Variants in PIP4K2A observed in about 807,000 individuals in gnomAD.
PIP4K2A encodes phosphatidylinositol-5-phosphate 4-kinase type 2 alpha.
A neutral mutation model predicts 42.9 loss-of-function variants in PIP4K2A; 14 were observed. The ratio of observed to expected loss-of-function variants is 0.33; its 90% confidence interval spans 0.22 to 0.51. The LOEUF (loss-of-function observed/expected upper bound fraction) is 0.51, where lower values mean the gene tolerates loss of function less well. Among genes scored for constraint, PIP4K2A ranks in the 20% least tolerant of loss-of-function variants. The pLI is 0.97. For synonymous variants in PIP4K2A, 192 were observed against 192.2 expected, an observed-to-expected ratio of 1.00 and a Z score of 0.01; for missense variants, 434 against 519.8, an observed-to-expected ratio of 0.83 and a Z score of 1.61.
chr10:22,668,358 A>G (rs924040905), intron 1 of PIP4K2A, among the ~76,000 whole-genome samples: 1 of 152,218 alleles, frequency 6.6e-6, no homozygotes, highest in African/African-American at 2.4e-5. Flanking sequence ...TCACCAACTA[A>G]AAAGACAATG....
At chr10:22,541,481 ATGTTGTGT>A (rs1564411884) in intron 8 of PIP4K2A, among the ~76,000 whole-genome samples, 1 of 152,200 alleles carries the variant, frequency 6.6e-6, no homozygotes, top group African/African-American at 2.4e-5. Flanking sequence ...ATGTACATGC[ATGTTGTGT>A]TGTGTGTGCA....
chr10:22,664,170 T>TATATATATAC (rs1839293234), intron 1 of PIP4K2A, among the ~76,000 whole-genome samples: 2 of 61,818 alleles, frequency 3.2e-5, no homozygotes, highest in Non-Finnish European at 5.4e-5. Context: ...TATATATACA[T>TATATATATAC]ATATATATAT....
chr10:22,663,573 C>T (rs1214941794), intron 1 of PIP4K2A, among the ~76,000 whole-genome samples: 1 of 151,954 alleles, frequency 6.6e-6, no homozygotes, highest in African/African-American at 2.4e-5. Flanking sequence ...AAGTTTGGGG[C>T]TTATATCAGA....
intron 6 of PIP4K2A, among the ~76,000 whole-genome samples, chr10:22,557,410 A>AAAACC (rs1257186732): frequency 6.6e-6 from 1 of 152,236 alleles, no homozygotes; most frequent in Admixed American, 6.5e-5. Context: ...CAGAATCTCT[A>AAAACC]AAACCAAAAC....
intron 1 of PIP4K2A, among the ~76,000 whole-genome samples, chr10:22,674,977 A>G: frequency 6.6e-6 from 1 of 150,864 alleles, no homozygotes; most frequent in East Asian, 1.9e-4. Context: ...TCTTTAAAAA[A>G]CAAAAAAAAG....
chr10:22,667,347 C>T (rs756322315), intron 1 of PIP4K2A, among the ~76,000 whole-genome samples: 5 of 151,330 alleles, frequency 3.3e-5, no homozygotes, highest in African/African-American at 7.3e-5. Flanking sequence ...AAACAGAGCA[C>T]GTTAAGTCTT....
intron 1 of PIP4K2A, among the ~76,000 whole-genome samples, chr10:22,619,845 G>A (rs1248927275): frequency 4.6e-5 from 7 of 152,190 alleles, no homozygotes; most frequent in Admixed American, 1.3e-4. Flanking sequence ...TGAAATCTGA[G>A]CTACCTTCCA....
intron 3 of PIP4K2A, among the ~76,000 whole-genome samples, chr10:22,595,927 C>T (rs913551191): frequency 6.6e-5 from 10 of 151,944 alleles, no homozygotes; most frequent in East Asian, 3.9e-4. Flanking sequence ...TTTACTCAGC[C>T]GGGCGCAGTG....
chr10:22,631,885 G>A (rs1349543237), intron 1 of PIP4K2A, among the ~76,000 whole-genome samples: 3 of 152,178 alleles, frequency 2.0e-5, no homozygotes, highest in Non-Finnish European at 2.9e-5. Flanking sequence ...ACAGTGGAGA[G>A]AGCTGACACT....
At chr10:22,544,900 G>C (rs1297035318) in intron 7 of PIP4K2A, among the ~76,000 whole-genome samples, 1 of 152,144 alleles carries the variant, frequency 6.6e-6, no homozygotes, top group Non-Finnish European at 1.5e-5. Context: ...CACTGCACAG[G>C]GCAGCACAGC....
chr10:22,663,764 A>G (rs1839253538), intron 1 of PIP4K2A, among the ~76,000 whole-genome samples: 1 of 151,808 alleles, frequency 6.6e-6, no homozygotes, highest in Non-Finnish European at 1.5e-5. Context: ...CTACATTAAT[A>G]TTCCACATAA....
intron 3 of PIP4K2A, among the ~76,000 whole-genome samples, chr10:22,600,536 A>T (rs1435984937): frequency 6.6e-6 from 1 of 152,114 alleles, no homozygotes; most frequent in Non-Finnish European, 1.5e-5. Context: ...TCCAAGACTC[A>T]ACCAGGCCTC....
intron 3 of PIP4K2A, among the ~76,000 whole-genome samples, chr10:22,596,205 C>CAAAAAAAAAAA (rs10681238): frequency 0.03 from 2,087 of 69,408 alleles, 155 homozygotes; most frequent in Non-Finnish European, 0.043. Context: ...AACTCCGTCT[C>CAAAAAAAAAAA]AAAAAAAAAA....
intron 5 of PIP4K2A, among the ~76,000 whole-genome samples, chr10:22,568,831 T>C (rs1383121211): frequency 6.6e-6 from 1 of 152,216 alleles, no homozygotes; most frequent in Non-Finnish European, 1.5e-5. Flanking sequence ...AGATGTCCTG[T>C]GTTTACTGCA....
intron 3 of PIP4K2A, among the ~76,000 whole-genome samples, chr10:22,592,429 C>T (rs1837534769): frequency 6.6e-6 from 1 of 152,162 alleles, no homozygotes; most frequent in Non-Finnish European, 1.5e-5. Flanking sequence ...TACCTGTGTG[C>T]CCCAGGAGGA....
At chr10:22,568,316 G>A (rs3793752) in intron 5 of PIP4K2A, among the ~76,000 whole-genome samples, 87,811 of 152,046 alleles carry the variant, frequency 0.58, 25,937 homozygotes, top group South Asian at 0.75. Flanking sequence ...CCACAGGAGC[G>A]TTAAGTGCCT....
At chr10:22,676,140 T>C (rs778568503) in intron 1 of PIP4K2A, among the ~76,000 whole-genome samples, 5 of 152,184 alleles carry the variant, frequency 3.3e-5, no homozygotes, top group Non-Finnish European at 5.9e-5. Context: ...TTTTGAAGTG[T>C]CTGTTTCCAT....
At chr10:22,691,359 C>CAG (rs1224795273) in intron 1 of PIP4K2A, among the ~76,000 whole-genome samples, 1 of 152,182 alleles carries the variant, frequency 6.6e-6, no homozygotes, top group Non-Finnish European at 1.5e-5. Context: ...CTATACATGA[C>CAG]AGAGCCCTAT....
intron 3 of PIP4K2A, among the ~76,000 whole-genome samples, chr10:22,601,141 AAAAAAAAAAAAAAAAAAAAAAAC>A (rs1343461560): frequency 8.8e-5 from 11 of 125,606 alleles, no homozygotes; most frequent in Middle Eastern, 3.5e-3. Context: ...AAAAAAAAAA[AAAAAAAAAAAAAAAAAAAAAAAC>A]AAACCAGGAA....
Sources: gnomAD v4.1 joint callset for allele counts (sites outside exome capture counted in the v4.1 genomes callset) on GRCh38, gnomAD v4.1.1 for gene constraint, MANE v1.5 for transcripts, NCBI Gene and HGNC (gene_info 2026-07-23, HGNC 2026-07-21) for gene names.